The following LARP4B variants were observed in gnomAD, a reference collection of about 807,000 sequenced individuals.
LARP4B encodes the protein la-related protein 4B.
Under a neutral mutation model 89.8 loss-of-function variants are expected in LARP4B, and 12 were observed. The ratio of observed to expected loss-of-function variants is 0.13; its 90% confidence interval spans 0.09 to 0.22. The LOEUF (loss-of-function observed/expected upper bound fraction) is 0.22. Among genes scored for constraint, LARP4B ranks in the 10% least tolerant of loss-of-function variants. LARP4B has a pLI of 1.00. For missense variants in LARP4B, 757 were observed against 947.7 expected (o/e 0.80, Z 2.64); for synonymous variants, 367 against 363.3 (o/e 1.01, Z -0.12).
At chr10:890,724 A>T (rs1209796324) in intron 1 of LARP4B, among the ~76,000 whole-genome samples, 1 of 152,020 alleles carries the variant, frequency 6.6e-6, no homozygotes, top group East Asian at 1.9e-4. Context: ...TATTATTATT[A>T]TTATTTTTAA....
At position 814,955 on chromosome 10, in the gene LARP4B, T is replaced by C. The variant is rs1831950665; in HGVS notation, c.1811A>G (p.His604Arg). ...GAACACCAATACTCACTCGGGTAAA[T>C]GAGCTGGGGAGGGGGATCGCTCGTA... ...ATYERSPSPA[H>R]LPDDPKVAEK... Residue 604 changes from histidine (H) to arginine (R), a missense_variant, in exon 16 of 18, where the codon CAT (histidine) becomes CGT (arginine). Transcript: ENST00000316157. The surrounding 1 kb of genome is among the most constrained non-coding windows in gnomAD (Gnocchi z 4.4). 2 of 1,595,900 alleles carry C rather than the reference T, an allele frequency of 1.3e-6. No homozygotes were observed. The highest frequency in any genetic ancestry group is 8.6e-7 in the Non-Finnish European group (1 of 1,168,800).
At chr10:839,766 C>T (rs1833428336) in intron 7 of LARP4B, among the ~76,000 whole-genome samples, 1 of 152,178 alleles carries the variant, frequency 6.6e-6, no homozygotes, top group Non-Finnish European at 1.5e-5. Flanking sequence ...ACACACCTAA[C>T]CACACAATCC....
the LARP4B span, among the ~76,000 whole-genome samples, chr10:965,982 G>A: frequency 7.9e-5 from 12 of 152,000 alleles, no homozygotes; most frequent in African/African-American, 1.4e-4. Context: ...GGAGCATAAC[G>A]TTGTTTGAAA....
At chr10:978,313 T>C in the LARP4B span, among the ~76,000 whole-genome samples, 1 of 152,220 alleles carries the variant, frequency 6.6e-6, no homozygotes, top group South Asian at 2.1e-4. Flanking sequence ...GAGTTTCTCT[T>C]TGTAAGTCAA....
the LARP4B span, among the ~76,000 whole-genome samples, chr10:980,587 C>T: frequency 9.9e-5 from 15 of 152,212 alleles, no homozygotes; most frequent in Admixed American, 2.6e-4. Flanking sequence ...TCCAAAGTGG[C>T]GGTCCAAGCT....
chr10:905,738 A>G (rs1392139974), intron 1 of LARP4B, among the ~76,000 whole-genome samples: 3 of 151,676 alleles, frequency 2.0e-5, no homozygotes, highest in African/African-American at 7.2e-5. Context: ...CAGAATCAGC[A>G]GGACTGGACG....
rs995354657 is a variant in LARP4B, at chr10:848,674, T to C, written c.431-3619A>G. 7.2e-5 allele frequency among the ~76,000 whole-genome samples: 11 copies of C among 151,734 alleles called. No homozygotes were observed. The South Asian group carries it at 2.3e-3, about 32-fold the overall frequency. ...AAACATTACAGCAGACTCGGGAACCTGAAGACACAGTAACAGAAGCTTCCC... is the reference window on the plus strand; with the variant it reads ...AAACATTACAGCAGACTCGGGAACCCGAAGACACAGTAACAGAAGCTTCCC... On this transcript the variant is annotated intron_variant, in intron 5 of 17. Transcript: ENST00000316157.
chr10:876,093 A>C lies in LARP4B; in HGVS notation c.141+8354T>G, dbSNP rs535678969. ...CAATGGTGGGACAGGCACACACACAAAAAAATTCCCGACCAGGTGCGATGG... is the reference window on the plus strand; with the variant it reads ...CAATGGTGGGACAGGCACACACACACAAAAATTCCCGACCAGGTGCGATGG... On this transcript the variant is annotated intron_variant, in intron 3 of 17. Transcript: ENST00000316157. Among the ~76,000 whole-genome samples the C allele has an allele frequency of 1.1e-4, 16 of 152,276 alleles. No individual in the cohort carries two copies. The South Asian group carries it at 1.2e-3, about 12-fold the overall frequency.
chr10:874,379 G>GA (rs1296895437), intron 3 of LARP4B, among the ~76,000 whole-genome samples: 3 of 151,606 alleles, frequency 2.0e-5, no homozygotes, highest in Non-Finnish European at 4.4e-5. Flanking sequence ...GAAGGAACAA[G>GA]AAAAAAAAGG....
chr10:824,951 C>T, intron 13 of LARP4B, 114 bp downstream of exon 13: 3 of 1,086,614 alleles, frequency 2.8e-6, no homozygotes, highest in South Asian at 3.9e-5. Flanking sequence ...ATGTTTATAG[C>T]CTTCAGTTAG....
At chr10:897,209 C>T (rs923135164) in intron 1 of LARP4B, among the ~76,000 whole-genome samples, 14 of 152,082 alleles carry the variant, frequency 9.2e-5, no homozygotes, top group African/African-American at 3.4e-4. Flanking sequence ...AAACGAGAGT[C>T]CAGAAAGAAA....
At chr10:971,458 A>G in the LARP4B span, 2 of 152,312 alleles carry the variant, frequency 1.3e-5, no homozygotes, top group African/African-American at 4.8e-5. Flanking sequence ...ATTTTATAAC[A>G]ATAGTAGGAA....
the LARP4B span, among the ~76,000 whole-genome samples, chr10:955,955 G>C: frequency 6.6e-6 from 1 of 152,074 alleles, no homozygotes; most frequent in Non-Finnish European, 1.5e-5. The surrounding 1 kb of genome is among the most constrained non-coding windows in gnomAD (Gnocchi z 5.2). Flanking sequence ...CACTGGCTGA[G>C]CGTCCTTCCC....
At chr10:944,662 T>C in the LARP4B span, among the ~76,000 whole-genome samples, 2 of 152,248 alleles carry the variant, frequency 1.3e-5, no homozygotes, top group African/African-American at 4.8e-5. Flanking sequence ...CACGCGTGTC[T>C]GGGCGTTGCC....
At chr10:890,792 A>G (rs1465412761) in intron 1 of LARP4B, among the ~76,000 whole-genome samples, 1 of 152,168 alleles carries the variant, frequency 6.6e-6, no homozygotes, top group Non-Finnish European at 1.5e-5. Context: ...TTGAAGTAAC[A>G]CACGAGGGGA....
intron 5 of LARP4B, among the ~76,000 whole-genome samples, chr10:853,467 T>C (rs1834153799): frequency 6.6e-6 from 1 of 152,162 alleles, no homozygotes; most frequent in Admixed American, 6.5e-5. Flanking sequence ...GTGGAACACC[T>C]GGGGTCAGGA....
chr10:881,726 G>C (rs12769002), intron 3 of LARP4B, among the ~76,000 whole-genome samples: 16,891 of 152,262 alleles, frequency 0.11, 1,187 homozygotes, highest in Non-Finnish European at 0.16. Flanking sequence ...GCAAGATAAA[G>C]AGTGCTTCTT....
intron 15 of LARP4B, 41 bp downstream of exon 15, chr10:817,684 G>A: frequency 1.3e-6 from 2 of 1,582,240 alleles, no homozygotes; most frequent in Non-Finnish European, 1.7e-6. Flanking sequence ...CCCGTACCTA[G>A]ACACTGTTGG....
chr10:848,920 T>C (rs1317534403), intron 5 of LARP4B, among the ~76,000 whole-genome samples: 1 of 152,182 alleles, frequency 6.6e-6, no homozygotes, highest in Non-Finnish European at 1.5e-5. Flanking sequence ...CTTTTAAAAA[T>C]AACTGACTTT....
Sources: gnomAD v4.1 joint callset for allele counts (sites outside exome capture counted in the v4.1 genomes callset) on GRCh38, gnomAD v4.1.1 for gene constraint, Gnocchi (gnomAD v3.1) non-coding constraint, MANE v1.5 for transcripts, NCBI Gene and HGNC (gene_info 2026-07-23, HGNC 2026-07-21) for gene names.